MID2: variants seen among roughly 807,000 people sequenced by gnomAD.
MID2 encodes probable E3 ubiquitin-protein ligase MID2.
A neutral mutation model predicts 46.1 loss-of-function variants in MID2; 13 were observed. That is an observed-to-expected ratio of 0.28 (90% confidence interval 0.18 to 0.45). The LOEUF (loss-of-function observed/expected upper bound fraction) is 0.45, where lower values mean the gene tolerates loss of function less well. MID2 is among the 20% of genes least tolerant of loss of function. MID2 has a pLI of 1.00. For synonymous variants in MID2, 199 were observed against 212.3 expected (o/e 0.94, Z 0.55); for missense variants, 431 against 575.4 (o/e 0.75, Z 2.57).
chrX:107,833,431 T>TATATA (rs199827104), intron 1 of MID2, among the ~76,000 whole-genome samples: 67 of 106,144 alleles, frequency 6.3e-4, no homozygotes, highest in African/African-American at 2.1e-3. Flanking sequence ...ATATATATAT[T>TATATA]TTTTTTAAAA....
At chrX:107,888,065 CA>C (rs1410363239) in intron 3 of MID2, among the ~76,000 whole-genome samples, 1 of 111,388 alleles carries the variant, frequency 9.0e-6, no homozygotes, top group African/African-American at 3.3e-5. Context: ...TTGATCTTTT[CA>C]AAAAACCAGC....
At position 107,929,655 on chromosome X, in the gene MID2, A is replaced by G. The variant is rs779039910; in HGVS notation, c.*2582A>G. ...TTTGCCTTGTCCTTGGCTCTCCAAA[A>G]CTGTTCATTTATTGTGGTGTCTTTT... On this transcript the variant is annotated 3_prime_UTR_variant, in exon 10 of 10. Coordinates refer to ENST00000262843, the MANE Select transcript of MID2 (RefSeq NM_012216.4). Among the ~76,000 whole-genome samples, 5 of 111,820 alleles carry G rather than the reference A, an allele frequency of 4.5e-5. No homozygotes were observed. In the East Asian group the frequency reaches 1.4e-3, roughly 31 times the overall value.
intron 3 of MID2, among the ~76,000 whole-genome samples, chrX:107,870,482 C>T (rs1932040035): frequency 9.0e-6 from 1 of 111,320 alleles, no homozygotes; most frequent in South Asian, 3.8e-4. Flanking sequence ...TTGTTAATCA[C>T]CCTTCCAATC....
At chrX:107,897,799 C>T (rs1174007000) in intron 3 of MID2, among the ~76,000 whole-genome samples, 1 of 111,846 alleles carries the variant, frequency 8.9e-6, no homozygotes, top group Non-Finnish European at 1.9e-5. Context: ...ACAGCAAATG[C>T]TATGTCTGTT....
chrX:107,826,328 G>C lies in MID2; in HGVS notation c.-99G>C. 9.8e-7 allele frequency: 1 copy of C among 1,016,829 alleles called. No homozygotes were observed. The highest frequency in any genetic ancestry group is 1.3e-6 in the Non-Finnish European group (1 of 774,973). 83.8% of individuals were successfully genotyped at this position (1,016,829 alleles called of 1,213,427 possible). Reference sequence around the variant, plus strand: ...GCGGCGGCGGCGGCGACCGGGGCCCGGGAGCTCGCGCCGGAGCCCGAGCCA... The same window carrying C: ...GCGGCGGCGGCGGCGACCGGGGCCCCGGAGCTCGCGCCGGAGCCCGAGCCA... On this transcript the variant is annotated 5_prime_UTR_variant, in exon 1 of 10. Coordinates refer to ENST00000262843, the MANE Select transcript of MID2 (RefSeq NM_012216.4).
intron 3 of MID2, among the ~76,000 whole-genome samples, chrX:107,891,509 C>A (rs745603507): frequency 9.0e-6 from 1 of 110,971 alleles, no homozygotes; most frequent in African/African-American, 3.3e-5. Flanking sequence ...CTAAAACAGA[C>A]CTCAAGTGAT....
intron 3 of MID2, among the ~76,000 whole-genome samples, chrX:107,874,731 C>A (rs1029670705): frequency 1.8e-5 from 2 of 111,678 alleles, no homozygotes; most frequent in African/African-American, 6.5e-5. Flanking sequence ...TTTCACCATA[C>A]CCAAGTATCC....
At chrX:107,880,087 T>G (rs1932287818) in intron 3 of MID2, among the ~76,000 whole-genome samples, 1 of 107,952 alleles carries the variant, frequency 9.3e-6, no homozygotes, top group African/African-American at 3.4e-5. Flanking sequence ...TGACATGAGG[T>G]GGGCCATGCC....
intron 3 of MID2, among the ~76,000 whole-genome samples, chrX:107,898,014 T>C (rs927036694): frequency 1.8e-5 from 2 of 111,555 alleles, no homozygotes; most frequent in Non-Finnish European, 3.8e-5. Flanking sequence ...TTTTCTGTTA[T>C]GGAGTCTCAG....
chrX:107,846,887 G>C (rs1931496852), intron 2 of MID2, among the ~76,000 whole-genome samples: 2 of 112,127 alleles, frequency 1.8e-5, no homozygotes, highest in African/African-American at 6.5e-5. Context: ...ACAAAATGTT[G>C]ACACAGAGAT....
rs1332248622 is a variant in MID2 at position 107,930,341 on chromosome X, T to A, written c.*3268T>A. ...GCTCCTACATAATAAATGATCATTG[T>A]CCTCCTCAAAAACTCTTTGGCAGTT... On this transcript the variant is annotated 3_prime_UTR_variant, in exon 10 of 10. Coordinates refer to ENST00000262843, the MANE Select transcript of MID2 (RefSeq NM_012216.4). Among the ~76,000 whole-genome samples the A allele has an allele frequency of 8.9e-6, 1 of 111,990 alleles. No individual in the cohort carries two copies. The highest frequency in any genetic ancestry group is 1.9e-5 in the Non-Finnish European group (1 of 53,155).
intron 2 of MID2, among the ~76,000 whole-genome samples, chrX:107,843,572 A>G (rs995326986): frequency 6.3e-5 from 7 of 111,516 alleles, no homozygotes; most frequent in Admixed American, 9.6e-5. Flanking sequence ...TTTTGGATGG[A>G]GAGTGGAAAA....
At chrX:107,866,731 T>C (rs767692321) in intron 3 of MID2, among the ~76,000 whole-genome samples, 31 of 112,247 alleles carry the variant, frequency 2.8e-4, no homozygotes, top group Non-Finnish European at 4.5e-4. Context: ...TGCCAAGCAA[T>C]ATAAAATAAT....
In MID2 at chrX:107,851,360, A is replaced by G. The variant is rs760281440; in HGVS notation, c.721-3249A>G. Among the ~76,000 whole-genome samples, 3 of 111,322 alleles carry G rather than the reference A, an allele frequency of 2.7e-5. No individual in the cohort carries two copies. In the South Asian group the frequency reaches 1.1e-3, roughly 42 times the overall value. On this transcript the variant is annotated intron_variant, in intron 2 of 9. Coordinates refer to ENST00000262843, the MANE Select transcript of MID2 (RefSeq NM_012216.4). ...GTCATCTGTGACCTCTAATTACCAAATCCAGCTGCCTTTTATCAATCCTCA... is the reference window on the plus strand; with the variant it reads ...GTCATCTGTGACCTCTAATTACCAAGTCCAGCTGCCTTTTATCAATCCTCA...
intron 1 of MID2, among the ~76,000 whole-genome samples, chrX:107,833,411 T>TTATATA (rs200944691): frequency 1.1e-5 from 1 of 93,948 alleles, no homozygotes; most frequent in African/African-American, 5.1e-5. Context: ...AATGTTTATT[T>TTATATA]TATATATATA....
Position 107,840,980 on chromosome X carries a change from C to T in MID2, c.315C>T (p.Arg105=), listed in dbSNP as rs1602458501. 1.7e-6 allele frequency: 2 copies of T among 1,211,727 alleles called. No individual in the cohort carries two copies. Reference sequence around the variant, plus strand: ...TGACTCTGCAGAACATTATTGATCGCTTCCAGAAGGCTTCAGTCAGTGGGC... The same window carrying T: ...TGACTCTGCAGAACATTATTGATCGTTTCCAGAAGGCTTCAGTCAGTGGGC... The part of the protein sequence containing the change: ...RNVTLQNIID[R]FQKASVSGPN... The change falls in exon 2 of 10, where the codon CGC becomes CGT. Residue 105 remains arginine (R), a synonymous_variant. Coordinates refer to ENST00000262843, the MANE Select transcript of MID2 (RefSeq NM_012216.4).
At chrX:107,863,454 A>G (rs1431302885) in intron 3 of MID2, among the ~76,000 whole-genome samples, 1 of 111,773 alleles carries the variant, frequency 8.9e-6, no homozygotes, top group African/African-American at 3.3e-5. Context: ...AGCTTATCTT[A>G]CAGTCCCGTT....
chrX:107,852,036 G>A (rs1357816623), intron 2 of MID2, among the ~76,000 whole-genome samples: 2 of 111,370 alleles, frequency 1.8e-5, no homozygotes, highest in Non-Finnish European at 3.8e-5. Flanking sequence ...GAGATTACAT[G>A]TGTCTACCGC....
At chrX:107,855,801 T>C (rs1280270376) in intron 3 of MID2, among the ~76,000 whole-genome samples, 1 of 111,965 alleles carries the variant, frequency 8.9e-6, no homozygotes, top group South Asian at 3.8e-4. Flanking sequence ...ATGATGAGCA[T>C]ACCATAGAAA....
Sources: allele counts gnomAD v4.1 joint callset (sites outside exome capture counted in the v4.1 genomes callset), GRCh38; gene constraint gnomAD v4.1.1; transcripts MANE v1.5; gene names NCBI Gene and HGNC (gene_info 2026-07-23, HGNC 2026-07-21).